COL21A1: variants seen among roughly 807,000 people sequenced by gnomAD.
COL21A1 encodes the protein collagen alpha-1(XXI) chain.
In COL21A1, 149 loss-of-function variants were observed where a neutral mutation model predicts 137.9. The ratio of observed to expected loss-of-function variants is 1.08; its 90% CI spans 0.95 to 1.24. COL21A1 has a LOEUF of 1.24. Among genes scored for constraint, COL21A1 ranks in the 50% most tolerant of loss-of-function variants. The pLI is 0.00. For synonymous variants in COL21A1, 456 were observed against 391.5 expected, an observed-to-expected ratio of 1.16 and a Z score of -1.95; for missense variants, 1,167 against 1,158.4, an observed-to-expected ratio of 1.01 and a Z score of -0.11.
chr6:56,330,003 T>C (rs556771301), intron 1 of COL21A1, among the ~76,000 whole-genome samples: 1 of 152,234 alleles, frequency 6.6e-6, no homozygotes, highest in Non-Finnish European at 1.5e-5. Flanking sequence ...AAACTAAAAT[T>C]ATCTGCTCTT....
intron 1 of COL21A1, among the ~76,000 whole-genome samples, chr6:56,194,564 A>G (rs1233780670): frequency 6.6e-6 from 1 of 152,172 alleles, no homozygotes; most frequent in Non-Finnish European, 1.5e-5. Flanking sequence ...GCAATGCAAA[A>G]TGGTAAATAA....
Position 56,368,294 on chromosome 6 carries a change from A to C in COL21A1, c.-39+25677T>G, listed in dbSNP as rs1581780357. On this transcript the variant is annotated intron_variant, in intron 1 of 28. Coordinates refer to the COL21A1 transcript ENST00000370819. ...ATTATTCTCTCATTTGTTGAGCTAT[A>C]ATTTTTATATACTAGACAAATATAA... Among the ~76,000 whole-genome samples the C allele has an allele frequency of 3.3e-5, 5 of 152,346 alleles. 1 individual carries two copies. The South Asian group carries it at 1.0e-3, about 32-fold the overall frequency.
intron 1 of COL21A1, among the ~76,000 whole-genome samples, chr6:56,207,847 A>C (rs1381450086): frequency 6.6e-6 from 1 of 152,120 alleles, no homozygotes; most frequent in South Asian, 2.1e-4. Context: ...CAATCAAATC[A>C]GGTTCATCCC....
chr6:56,186,305 C>T (rs1211179414), intron 1 of COL21A1, among the ~76,000 whole-genome samples: 1 of 152,132 alleles, frequency 6.6e-6, no homozygotes, highest in Non-Finnish European at 1.5e-5. Context: ...AAATTTAATA[C>T]TCATTTATGA....
chr6:56,110,413 T>G (rs1771320183), intron 16 of COL21A1, among the ~76,000 whole-genome samples: 1 of 152,006 alleles, frequency 6.6e-6, no homozygotes, highest in Non-Finnish European at 1.5e-5. Flanking sequence ...TGATGGTTTC[T>G]ACCTAAGGTC....
intron 1 of COL21A1, among the ~76,000 whole-genome samples, chr6:56,334,582 G>A (rs1000410028): frequency 1.3e-5 from 2 of 152,178 alleles, no homozygotes; most frequent in African/African-American, 4.8e-5. Context: ...TGGCCAGCAA[G>A]AGGCTTGTCA....
chr6:56,244,522 A>C (rs1157657743), intron 1 of COL21A1, among the ~76,000 whole-genome samples: 1 of 152,260 alleles, frequency 6.6e-6, no homozygotes, highest in Non-Finnish European at 1.5e-5. Flanking sequence ...AATTGGAATT[A>C]CATTTAGTTT....
chr6:56,137,583 C>A lies in COL21A1; in HGVS notation c.1542+4202G>T, dbSNP rs558878236. ...CCTACAAAAGAAATAGATTTCTAAA[C>A]TTCTACTACTGAGTCTCTGCAGTAG... On this transcript the variant is annotated intron_variant, in intron 12 of 29. Coordinates refer to ENST00000244728, the MANE Select transcript of COL21A1 (RefSeq NM_030820.4). 5.3e-5 allele frequency among the ~76,000 whole-genome samples: 8 copies of A among 152,266 alleles called. No individual in the cohort carries two copies. In the South Asian group the frequency reaches 1.7e-3, roughly 32 times the overall value.
In COL21A1 at chr6:56,057,598, A is replaced by C; in HGVS notation, c.*59T>G. The C allele has an allele frequency of 4.6e-6, 7 of 1,507,534 alleles. No homozygotes were observed. The South Asian group carries it at 8.0e-5, about 17-fold the overall frequency. 93.4% of individuals were successfully genotyped at this position (1,507,534 alleles called of 1,614,324 possible). On this transcript the variant is annotated 3_prime_UTR_variant, in exon 30 of 30. Transcript: ENST00000244728. The stretch of plus-strand genomic sequence containing the variant: ...GGGATTACTGTTGGTTATCTTCCTG[A>C]GATGCAAAAGACCACAGAAAAAGCA...
At chr6:56,097,791 A>ATATAAATC (rs1769509812) in intron 17 of COL21A1, among the ~76,000 whole-genome samples, 2 of 121,046 alleles carry the variant, frequency 1.7e-5, no homozygotes, top group Non-Finnish European at 3.3e-5. Context: ...ATAAAAATAT[A>ATATAAATC]TATATAAATC....
At chr6:56,084,601 A>G (rs1015962669) in intron 17 of COL21A1, among the ~76,000 whole-genome samples, 1 of 152,182 alleles carries the variant, frequency 6.6e-6, no homozygotes, top group African/African-American at 2.4e-5. Context: ...ATTAGATAAA[A>G]CTAATAAAAT....
intron 9 of COL21A1, 96 bp from the exon 10 acceptor site, chr6:56,157,045 A>T: frequency 4.1e-6 from 3 of 734,382 alleles, no homozygotes; most frequent in African/African-American, 2.0e-5. Flanking sequence ...CCATTATTTG[A>T]GGTTTTTTGT....
chr6:56,065,034 T>C (rs922292381), intron 23 of COL21A1, among the ~76,000 whole-genome samples: 2 of 151,934 alleles, frequency 1.3e-5, no homozygotes, highest in East Asian at 3.9e-4. Context: ...AATTTTATTT[T>C]TAAAAATTAA....
chr6:56,219,216 CAAAA>C (rs386407160), intron 1 of COL21A1, among the ~76,000 whole-genome samples: 1 of 76,480 alleles, frequency 1.3e-5, no homozygotes. Context: ...AAACTTGCAC[CAAAA>C]AAAAAAAAAA....
At chr6:56,307,547 G>A (rs1274515795) in intron 1 of COL21A1, among the ~76,000 whole-genome samples, 1 of 152,210 alleles carries the variant, frequency 6.6e-6, no homozygotes, top group African/African-American at 2.4e-5. Flanking sequence ...ATCTCCTGGT[G>A]TGCCATTTGC....
intron 1 of COL21A1, among the ~76,000 whole-genome samples, chr6:56,235,258 C>G (rs930223082): frequency 1.3e-5 from 2 of 151,716 alleles, no homozygotes; most frequent in African/African-American, 4.8e-5. Context: ...TCTGGTAAAC[C>G]CACAAGCCTG....
At chr6:56,075,169 G>T (rs1767107256) in intron 19 of COL21A1, among the ~76,000 whole-genome samples, 1 of 151,292 alleles carries the variant, frequency 6.6e-6, no homozygotes. Context: ...AAATCACTGA[G>T]ATTTAGACTT....
At chr6:56,093,734 C>T (rs1355277680) in intron 17 of COL21A1, among the ~76,000 whole-genome samples, 2 of 152,160 alleles carry the variant, frequency 1.3e-5, no homozygotes, top group East Asian at 3.9e-4. Context: ...CCTTCCCTCA[C>T]TTTGTCTTGT....
intron 17 of COL21A1, among the ~76,000 whole-genome samples, chr6:56,099,877 A>T (rs1770294013): frequency 6.6e-6 from 1 of 152,188 alleles, no homozygotes; most frequent in Non-Finnish European, 1.5e-5. Context: ...CTTCTACTTC[A>T]TGCCTGGTCT....
Sources: gnomAD v4.1 joint callset for allele counts (sites outside exome capture counted in the v4.1 genomes callset) on GRCh38, gnomAD v4.1.1 for gene constraint, MANE v1.5 for transcripts, NCBI Gene and HGNC (gene_info 2026-07-23, HGNC 2026-07-21) for gene names.